The following GPHN variants were observed in gnomAD, a reference collection of about 807,000 sequenced individuals.
The protein encoded by GPHN is gephyrin.
A neutral mutation model predicts 95.5 loss-of-function variants in GPHN; 17 were observed. That is an observed-to-expected ratio of 0.18 (90% CI 0.12 to 0.27). The LOEUF (loss-of-function observed/expected upper bound fraction) is 0.27, where lower values mean the gene tolerates loss of function less well. GPHN is among the 10% of genes least tolerant of loss of function. GPHN has a pLI of 1.00. For synonymous variants in GPHN, 320 were observed against 322.5 expected, an observed-to-expected ratio of 0.99 and a Z score of 0.08; for missense variants, 660 against 978.1, an observed-to-expected ratio of 0.67 and a Z score of 4.34.
At chr14:66,940,734 G>A (rs985781773) in intron 8 of GPHN, among the ~76,000 whole-genome samples, 6 of 152,170 alleles carry the variant, frequency 3.9e-5, no homozygotes, top group Admixed American at 3.9e-4. Flanking sequence ...CAGATCTAGT[G>A]TTCTTTCCTA....
At chr14:66,557,237 G>GATAGATAGATACATAGGTAGATAGA (rs1555342945) in intron 1 of GPHN, among the ~76,000 whole-genome samples, 1 of 141,892 alleles carries the variant, frequency 7.0e-6, no homozygotes, top group Non-Finnish European at 1.5e-5. Flanking sequence ...ACATAGGTAG[G>GATAGATAGATACATAGGTAGATAGA]TAGATAGATA....
intron 9 of GPHN, among the ~76,000 whole-genome samples, chr14:66,978,815 A>G (rs1238999951): frequency 6.6e-6 from 1 of 152,248 alleles, no homozygotes; most frequent in Non-Finnish European, 1.5e-5. Context: ...AGGAATTACT[A>G]TATGGCAACT....
intron 1 of GPHN, among the ~76,000 whole-genome samples, chr14:66,522,468 A>G (rs926912026): frequency 5.9e-5 from 9 of 152,192 alleles, no homozygotes; most frequent in African/African-American, 2.2e-4. Flanking sequence ...TTCACAGTAT[A>G]TGAAGGCATA....
the GPHN span, among the ~76,000 whole-genome samples, chr14:67,405,542 C>A: frequency 6.6e-6 from 1 of 152,180 alleles, no homozygotes; most frequent in African/African-American, 2.4e-5. Context: ...GTGATCCCCT[C>A]CTTCTGGTGT....
At chr14:67,264,182 T>C in the GPHN span, among the ~76,000 whole-genome samples, 1 of 152,226 alleles carries the variant, frequency 6.6e-6, no homozygotes, top group African/African-American at 2.4e-5. Flanking sequence ...TTTAAAGTGT[T>C]TGTTAGGCCA....
At chr14:66,899,460 G>C (rs10141378) in intron 5 of GPHN, among the ~76,000 whole-genome samples, 11,160 of 151,802 alleles carry the variant, frequency 0.074, 1,017 homozygotes, top group African/African-American at 0.21. Context: ...TTTTTTGAGA[G>C]TTTTTATCAT....
intron 17 of GPHN, among the ~76,000 whole-genome samples, chr14:67,126,357 T>A (rs1418117577): frequency 6.6e-6 from 1 of 152,176 alleles, no homozygotes; most frequent in African/African-American, 2.4e-5. Context: ...AGACAAGATA[T>A]TGTATACCTG....
At chr14:67,341,043 G>T in the GPHN span, among the ~76,000 whole-genome samples, 1 of 152,146 alleles carries the variant, frequency 6.6e-6, no homozygotes, top group African/African-American at 2.4e-5. Context: ...CCTCCCAGCC[G>T]CCTGCCTTGG....
chr14:67,597,540 T>G, the GPHN span, among the ~76,000 whole-genome samples: 1 of 151,834 alleles, frequency 6.6e-6, no homozygotes, highest in African/African-American at 2.4e-5. Flanking sequence ...TGCTAGATAA[T>G]TATTTGTTGA....
chr14:67,651,331 A>G, the GPHN span: 2 of 1,611,202 alleles, frequency 1.2e-6, no homozygotes, highest in Middle Eastern at 1.7e-4. Context: ...CATCCCTAAC[A>G]TCATGCATTC....
intron 2 of GPHN, among the ~76,000 whole-genome samples, chr14:66,701,968 G>A (rs371858523): frequency 6.6e-6 from 1 of 152,152 alleles, no homozygotes; most frequent in African/African-American, 2.4e-5. Flanking sequence ...AGCCAGGGAG[G>A]CTGGACAGCT....
Position 67,142,072 on chromosome 14 carries a change from A to AG in GPHN, c.1749-1285dup, listed in dbSNP as rs879726927. Among the ~76,000 whole-genome samples, 126 of 152,274 alleles carry AG rather than the reference A, an allele frequency of 8.3e-4. 1 individual carries two copies. Among genetic ancestry groups the AG allele is most frequent in the Non-Finnish European group, 1.2e-3 (81 of 68,014 alleles). On this transcript the variant is annotated intron_variant, in intron 17 of 22. Coordinates refer to ENST00000478722, the MANE Select transcript of GPHN (RefSeq NM_020806.5). Reference sequence around the variant, plus strand: ...AGAGCAAGAATACAGCTGGGCCTCAAGGGGGATGAAAGGCAGGTAGCCAGG... The same window carrying AG: ...AGAGCAAGAATACAGCTGGGCCTCAAGGGGGGATGAAAGGCAGGTAGCCAGG...
At chr14:67,647,421 A>G in the GPHN span, 1 of 164,674 alleles carries the variant, frequency 6.1e-6, no homozygotes, top group Non-Finnish European at 1.3e-5. Context: ...TAATTTTAAG[A>G]GCATTTTCCC....
At chr14:66,767,820 T>C (rs1223329012) in intron 2 of GPHN, among the ~76,000 whole-genome samples, 1 of 151,976 alleles carries the variant, frequency 6.6e-6, no homozygotes, top group East Asian at 1.9e-4. Context: ...ACAATGTTTG[T>C]ATGTAGTAAG....
At chr14:66,957,024 A>C (rs1295073841) in intron 8 of GPHN, among the ~76,000 whole-genome samples, 1 of 149,570 alleles carries the variant, frequency 6.7e-6, no homozygotes, top group Non-Finnish European at 1.5e-5. Flanking sequence ...AGATGACGAG[A>C]TAGAGGGTGC....
the GPHN span, among the ~76,000 whole-genome samples, chr14:67,482,576 C>G: frequency 1.3e-5 from 2 of 152,252 alleles, no homozygotes; most frequent in South Asian, 4.1e-4. Flanking sequence ...CACAGCCCTT[C>G]TAGGAGACCC....
intron 1 of GPHN, among the ~76,000 whole-genome samples, chr14:66,617,853 C>G (rs1473912623): frequency 6.6e-6 from 1 of 152,104 alleles, no homozygotes; most frequent in Non-Finnish European, 1.5e-5. Context: ...GTATTCATTT[C>G]AATCACTTAG....
At chr14:66,713,914 A>G (rs1202741676) in intron 2 of GPHN, among the ~76,000 whole-genome samples, 1 of 152,070 alleles carries the variant, frequency 6.6e-6, no homozygotes, top group Non-Finnish European at 1.5e-5. Flanking sequence ...TACTACAGGC[A>G]TGTGCCACCA....
the GPHN span, among the ~76,000 whole-genome samples, chr14:67,460,529 C>G: frequency 6.6e-6 from 1 of 152,078 alleles, no homozygotes; most frequent in African/African-American, 2.4e-5. Flanking sequence ...ACAGTGAAAC[C>G]CCCGTCTCTA....
Sources: gnomAD v4.1 joint callset for allele counts (sites outside exome capture counted in the v4.1 genomes callset) on GRCh38, gnomAD v4.1.1 for gene constraint, MANE v1.5 for transcripts, NCBI Gene and HGNC (gene_info 2026-07-23, HGNC 2026-07-21) for gene names.